C10orf143: variants seen among roughly 807,000 people sequenced by gnomAD.
The protein encoded by C10orf143 is uncharacterized protein C10orf143.
intron 3 of C10orf143, among the ~76,000 whole-genome samples, chr10:130,076,218 C>T (rs1028537703): frequency 6.6e-6 from 1 of 152,080 alleles, no homozygotes; most frequent in Admixed American, 6.5e-5. Flanking sequence ...GGAGGTGGAC[C>T]TCGCAAGAGA....
downstream of C10orf143, among the ~76,000 whole-genome samples, chr10:130,060,103 G>C (rs1860837975): frequency 2.0e-5 from 3 of 152,038 alleles, no homozygotes; most frequent in Admixed American, 1.3e-4. Context: ...CACTGGAGCT[G>C]GATAAGAACT....
chr10:130,104,232 T>C (rs1361537773), intron 1 of C10orf143: 2 of 152,240 alleles, frequency 1.3e-5, no homozygotes, highest in Non-Finnish European at 2.9e-5. Context: ...AAAACATGTC[T>C]GCCCAATGGA....
chr10:130,038,031 G>T (rs1860564775), intron 3 of C10orf143, among the ~76,000 whole-genome samples: 1 of 152,156 alleles, frequency 6.6e-6, no homozygotes, highest in South Asian at 2.1e-4. Flanking sequence ...GGCAGAAAAA[G>T]ATTATGACTG....
intron 3 of C10orf143, among the ~76,000 whole-genome samples, chr10:130,044,027 GAGGGAGAGGGAGGA>G: frequency 6.6e-6 from 1 of 152,232 alleles, no homozygotes; most frequent in South Asian, 2.1e-4. Flanking sequence ...GAAAGAGAGA[GAGGGAGAGGGAGGA>G]AGGGAGAGGG....
rs1860886565 is a variant in C10orf143 at position 130,064,001 on chromosome 10, C to T, written c.*353G>A. ...GATGGCGGGGCTGCGTCTGGGTGGG[C>T]CTCCATAGGCCATGAGTGCCCAAGC... On this transcript the variant is annotated 3_prime_UTR_variant, in exon 4 of 4. Coordinates refer to ENST00000637128, the MANE Select transcript of C10orf143 (RefSeq NM_001355042.2). The T allele has an allele frequency of 4.8e-6, 1 of 207,070 alleles. No individual in the cohort carries two copies. The highest frequency in any genetic ancestry group is 5.9e-5 in the Admixed American group (1 of 16,906). The allele number at this position is 207,070 out of a possible 1,614,324, so 12.8% of individuals were successfully genotyped here.
At chr10:130,075,300 C>G (rs1298825908) in intron 3 of C10orf143, among the ~76,000 whole-genome samples, 1 of 152,132 alleles carries the variant, frequency 6.6e-6, no homozygotes, top group African/African-American at 2.4e-5. Context: ...AAGGGCCTGA[C>G]TGTATTTTTA....
chr10:130,055,797 A>C (rs1229893755), intron 3 of C10orf143, among the ~76,000 whole-genome samples: 2 of 151,710 alleles, frequency 1.3e-5, no homozygotes, highest in Non-Finnish European at 2.9e-5. Flanking sequence ...TACAAAAAAA[A>C]TAGCCGGATG....
intron 1 of C10orf143, among the ~76,000 whole-genome samples, chr10:130,097,410 T>C (rs918047158): frequency 6.6e-6 from 1 of 152,040 alleles, no homozygotes; most frequent in Non-Finnish European, 1.5e-5. Flanking sequence ...AAATAAAAAC[T>C]GCAGTGAGAT....
rs561917096 is a variant in C10orf143 at position 130,040,588 on chromosome 10, G to A, written c.298-4618C>T. Among the ~76,000 whole-genome samples, 4 of 152,336 alleles carry A rather than the reference G, an allele frequency of 2.6e-5. No individual in the cohort carries two copies. In the East Asian group the frequency reaches 7.7e-4, roughly 29 times the overall value. ...TGGGACGGCGTGCTGGCTCACGCCTGGGGAGGCCGAGGTGGGTGGAGGTCA... is the reference window on the plus strand; with the variant it reads ...TGGGACGGCGTGCTGGCTCACGCCTAGGGAGGCCGAGGTGGGTGGAGGTCA... On this transcript the variant is annotated intron_variant and NMD_transcript_variant, in intron 3 of 5. Transcript: ENST00000643056.
At position 130,079,734 on chromosome 10, in the gene C10orf143, T is replaced by TA. The variant is rs1423605171; in HGVS notation, c.234+2dup. The TA allele has an allele frequency of 1.0e-5, 4 of 398,570 alleles. No individual in the cohort carries two copies. Among genetic ancestry groups the TA allele is most frequent in the African/African-American group, 8.2e-5 (4 of 48,642 alleles). The allele number at this position is 398,570 out of a possible 1,614,324, so 24.7% of individuals were successfully genotyped here. On this transcript the variant is annotated splice_region_variant and intron_variant, in intron 2 of 3. Coordinates refer to ENST00000637128, the MANE Select transcript of C10orf143 (RefSeq NM_001355042.2). Reference sequence around the variant, plus strand: ...AAGTAGTTTGGTGGGAAGAGGAACATACCCCTGTACTTAGCCTCCCCTGGC... The same window carrying TA: ...AAGTAGTTTGGTGGGAAGAGGAACATAACCCCTGTACTTAGCCTCCCCTGGC...
intron 3 of C10orf143, among the ~76,000 whole-genome samples, chr10:130,039,274 C>T (rs994925760): frequency 6.6e-6 from 1 of 152,116 alleles, no homozygotes; most frequent in South Asian, 2.1e-4. Flanking sequence ...ATTTTGGGGG[C>T]TGAGAAGTCC....
rs1211871523 is a variant in C10orf143, at chr10:130,056,358, AG to A, written c.298-20389del. On this transcript the variant is annotated intron_variant and NMD_transcript_variant, in intron 3 of 5. Coordinates refer to the C10orf143 transcript ENST00000643056. This position sits in a 1 kb window ranked among gnomAD's most constrained non-coding sequence, Gnocchi z 4.6. ...GTGCCGTCATGAGCAGGATGAGGGCAGCACCCCTGAGAGCCGCTGCATGCAC... is the reference window on the plus strand; with the variant it reads ...GTGCCGTCATGAGCAGGATGAGGGCACACCCCTGAGAGCCGCTGCATGCAC... Among the ~76,000 whole-genome samples, 5 of 152,124 alleles carry A rather than the reference AG, an allele frequency of 3.3e-5. No homozygotes were observed. Among genetic ancestry groups the A allele is most frequent in the African/African-American group, 4.8e-5 (2 of 41,436 alleles).
At position 130,109,170 on chromosome 10, in the gene C10orf143, C is replaced by T. The variant is rs185687386; in HGVS notation, c.69+1534G>A. Among the ~76,000 whole-genome samples the T allele has an allele frequency of 2.6e-3, 398 of 152,340 alleles. 3 individuals carry two copies. Among genetic ancestry groups the T allele is most frequent in the African/African-American group, 9.2e-3 (381 of 41,570 alleles). On this transcript the variant is annotated intron_variant, in intron 1 of 3. Transcript: ENST00000637128. ...CTGCCACTTCTCCTCTGACACACTA[C>T]TGTAGCCACAAGCCTTGCCTCCCTG...
At chr10:130,090,733 G>C (rs1339815334) in intron 1 of C10orf143, among the ~76,000 whole-genome samples, 2 of 152,110 alleles carry the variant, frequency 1.3e-5, no homozygotes, top group African/African-American at 4.8e-5. Context: ...TGGGGGGCGG[G>C]CGGGGCATCT....
chr10:130,060,026 CT>C (rs1564955944), downstream of C10orf143, among the ~76,000 whole-genome samples: 1 of 150,474 alleles, frequency 6.6e-6, no homozygotes, highest in East Asian at 2.0e-4. Context: ...CATATTCTGT[CT>C]GGTATTTGCA....
At chr10:130,103,453 G>A (rs757605117) in intron 1 of C10orf143, among the ~76,000 whole-genome samples, 4 of 152,060 alleles carry the variant, frequency 2.6e-5, no homozygotes, top group Non-Finnish European at 5.9e-5. Flanking sequence ...TGGCACTGCT[G>A]TACTCCAGCC....
chr10:130,048,297 A>G (rs1424952836), intron 3 of C10orf143, among the ~76,000 whole-genome samples: 2 of 152,176 alleles, frequency 1.3e-5, no homozygotes, highest in South Asian at 2.1e-4. Context: ...CCCTGGACCC[A>G]CCTGCCTTGA....
chr10:130,061,932 G>C (rs1348703834), downstream of C10orf143, among the ~76,000 whole-genome samples: 1 of 152,116 alleles, frequency 6.6e-6, no homozygotes, highest in Non-Finnish European at 1.5e-5. Context: ...CTGGAGCCAG[G>C]GAGGTGGGGC....
At chr10:130,047,366 G>T (rs1488538878) in intron 3 of C10orf143, among the ~76,000 whole-genome samples, 1 of 152,162 alleles carries the variant, frequency 6.6e-6, no homozygotes, top group Non-Finnish European at 1.5e-5. Context: ...CTGCTCCCTC[G>T]CTCTCTCTCA....
Sources: allele counts gnomAD v4.1 joint callset (sites outside exome capture counted in the v4.1 genomes callset), GRCh38; gene constraint gnomAD v4.1.1; non-coding constraint Gnocchi (gnomAD v3.1); transcripts MANE v1.5; gene names NCBI Gene and HGNC (gene_info 2026-07-23, HGNC 2026-07-21).